PHLPP2: variants seen among roughly 807,000 people sequenced by gnomAD.
PHLPP2 encodes the protein PH domain and leucine rich repeat protein phosphatase 2, also known as PH domain leucine-rich repeat-containing protein phosphatase 2.
PHLPP2 carries 66 observed loss-of-function variants against 124.9 expected under a neutral mutation model. The ratio of observed to expected loss-of-function variants is 0.53; its 90% confidence interval spans 0.43 to 0.65. The LOEUF (loss-of-function observed/expected upper bound fraction) is 0.65. Among genes scored for constraint, PHLPP2 ranks in the 30% least tolerant of loss-of-function variants. The pLI is 0.00. For synonymous variants in PHLPP2, 681 were observed against 624.7 expected (o/e 1.09, Z -1.34); for missense variants, 1,685 against 1,600.4 (o/e 1.05, Z -0.90).
intron 4 of PHLPP2, among the ~76,000 whole-genome samples, chr16:71,689,358 C>T (rs2045085197): frequency 1.4e-5 from 2 of 147,160 alleles, no homozygotes; most frequent in African/African-American, 2.5e-5. Flanking sequence ...GCAGTTGACA[C>T]TTCAGGCGCC....
intron 1 of PHLPP2, chr16:71,723,677 G>A: frequency 1.8e-6 from 1 of 541,344 alleles, no homozygotes; most frequent in Non-Finnish European, 2.8e-6. Context: ...GCGGGGCGGG[G>A]GCGGCAGCGG....
intron 2 of PHLPP2, among the ~76,000 whole-genome samples, chr16:71,704,915 T>C (rs1217116477): frequency 6.6e-6 from 1 of 152,098 alleles, no homozygotes; most frequent in Non-Finnish European, 1.5e-5. Flanking sequence ...GATGGAGGAT[T>C]AACTTCAAGA....
intron 10 of PHLPP2, among the ~76,000 whole-genome samples, chr16:71,671,108 T>C (rs2145327458): frequency 6.6e-6 from 1 of 152,282 alleles, no homozygotes; most frequent in African/African-American, 2.4e-5. Context: ...GTGATTTTCT[T>C]CGGCAATGAT....
chr16:71,714,307 CAAAG>C (rs1006553391), intron 2 of PHLPP2, among the ~76,000 whole-genome samples: 8 of 152,128 alleles, frequency 5.3e-5, no homozygotes, highest in African/African-American at 1.9e-4. Flanking sequence ...TATTCCAAAT[CAAAG>C]AACTCTCAAA....
intron 18 of PHLPP2, among the ~76,000 whole-genome samples, chr16:71,652,342 G>C (rs1567611341): frequency 6.6e-6 from 1 of 152,194 alleles, no homozygotes; most frequent in Non-Finnish European, 1.5e-5. Flanking sequence ...TAAAACAGTA[G>C]AAATACTGAT....
intron 13 of PHLPP2, 136 bp downstream of exon 13, chr16:71,663,763 C>T: frequency 1.4e-6 from 1 of 696,618 alleles, no homozygotes; most frequent in Non-Finnish European, 2.5e-6. Context: ...GATTTTGCCA[C>T]TCAACTAGTG....
chr16:71,715,282 C>T (rs1030349062), intron 1 of PHLPP2: 3 of 157,362 alleles, frequency 1.9e-5, no homozygotes, highest in African/African-American at 7.2e-5. Context: ...AGTTGGAGAA[C>T]AGATTGAACC....
At chr16:71,655,669 A>AT (rs2044736181) in intron 16 of PHLPP2, among the ~76,000 whole-genome samples, 1 of 151,536 alleles carries the variant, frequency 6.6e-6, no homozygotes, top group Admixed American at 6.6e-5. Context: ...CGCTGGGCTA[A>AT]TTTTTTTGTA....
Position 71,724,677 on chromosome 16 carries a change from C to T in PHLPP2, c.-355G>A, listed in dbSNP as rs928110251. The T allele has an allele frequency of 1.3e-5, 2 of 152,202 alleles. No individual in the cohort carries two copies. The highest frequency in any genetic ancestry group is 4.8e-5 in the African/African-American group (2 of 41,434). The allele number at this position is 152,202 out of a possible 1,614,324, so 9.4% of individuals were successfully genotyped here. A position where few individuals can be genotyped will look rare whatever the true frequency, so the allele number is the denominator to read the frequency against. On this transcript the variant is annotated 5_prime_UTR_variant, in exon 1 of 19. Transcript: ENST00000568954. ...CCTGTTTCCAGATCTCCCCTCTGCC[C>T]TTCTTTAGATCTATACCCCTGTGCA... is the stretch of plus-strand genomic sequence containing the variant.
At position 71,658,203 on chromosome 16, in the gene PHLPP2, A is replaced by G. The variant is rs956718203; in HGVS notation, c.2279+30T>C. 6 of 1,604,710 alleles carry G rather than the reference A, an allele frequency of 3.7e-6. No individual in the cohort carries two copies. The African/African-American group carries it at 5.4e-5, about 14-fold the overall frequency. On this transcript the variant is annotated intron_variant, in intron 15 of 18. Coordinates refer to ENST00000568954, the MANE Select transcript of PHLPP2 (RefSeq NM_015020.3). Reference sequence around the variant, plus strand: ...CACATGGCTGGTGGGCTAAGAGCACATAGAGATTCCATTTCAAATTTTTTC... The same window carrying G: ...CACATGGCTGGTGGGCTAAGAGCACGTAGAGATTCCATTTCAAATTTTTTC...
intron 1 of PHLPP2, chr16:71,723,855 C>T: frequency 8.3e-7 from 1 of 1,204,694 alleles, no homozygotes; most frequent in African/African-American, 1.6e-5. Context: ...GGCCCCGGCT[C>T]CACCTCCCCC....
intron 2 of PHLPP2, among the ~76,000 whole-genome samples, chr16:71,710,310 A>G (rs975010174): frequency 6.6e-6 from 1 of 152,212 alleles, no homozygotes; most frequent in Non-Finnish European, 1.5e-5. Context: ...TGATCTCTCT[A>G]AGGTTTCCTC....
At chr16:71,652,747 C>A (rs1341828949) in intron 18 of PHLPP2, 43 bp downstream of exon 18, 1 of 1,442,860 alleles carries the variant, frequency 6.9e-7, no homozygotes, top group Non-Finnish European at 9.8e-7. Flanking sequence ...GCAGCCTCCA[C>A]TGATTTGGGG....
rs116921013 is a variant in PHLPP2, at chr16:71,704,049, G to A, written c.285-1318C>T. On this transcript the variant is annotated intron_variant, in intron 2 of 18. Coordinates refer to ENST00000568954, the MANE Select transcript of PHLPP2 (RefSeq NM_015020.3). ...TCAGAAAACTTAAGAATAGCCGGGC[G>A]CAGTGGCTCACGCCTGTAATCCCAG... Among the ~76,000 whole-genome samples, 83 of 152,232 alleles carry A rather than the reference G, an allele frequency of 5.5e-4. 1 individual carries two copies. The East Asian group carries it at 0.014, about 25-fold the overall frequency.
chr16:71,676,391 G>C, intron 9 of PHLPP2, 56 bp downstream of exon 9: 1 of 1,419,944 alleles, frequency 7.0e-7, no homozygotes, highest in Non-Finnish European at 9.9e-7. Context: ...ACTGTTCTCA[G>C]AAAGCACTGA....
Position 71,648,836 on chromosome 16 carries a change from A to G in PHLPP2, c.*54T>C. ...ATGTAGAGGCAGAATGCCTCTAGCA[A>G]GTCCCTACCCCAACCCTGCACAGCC... On this transcript the variant is annotated 3_prime_UTR_variant, in exon 19 of 19. Transcript: ENST00000568954. 1 of 1,316,088 alleles carries G rather than the reference A, an allele frequency of 7.6e-7. No homozygotes were observed. The highest frequency in any genetic ancestry group is 1.1e-6 in the Non-Finnish European group (1 of 934,512). The allele number at this position is 1,316,088 out of a possible 1,614,324, so 81.5% of individuals were successfully genotyped here. A position where few individuals can be genotyped will look rare whatever the true frequency, so the allele number is the denominator to read the frequency against.
chr16:71,671,512 G>C lies in PHLPP2; in HGVS notation c.1532+750C>G, dbSNP rs571981095. 2.0e-5 allele frequency among the ~76,000 whole-genome samples: 3 copies of C among 151,824 alleles called. No individual in the cohort carries two copies. The East Asian group carries it at 5.8e-4, about 29-fold the overall frequency. On this transcript the variant is annotated intron_variant, in intron 10 of 18. Coordinates refer to ENST00000568954, the MANE Select transcript of PHLPP2 (RefSeq NM_015020.3). ...CGCTGAACCCAGAATGCCCAACAGT[G>C]GTTATAAATGAATAAAAAGTAATAA...
chr16:71,655,913 C>T (rs1368549939), intron 16 of PHLPP2, among the ~76,000 whole-genome samples: 2 of 152,126 alleles, frequency 1.3e-5, no homozygotes, highest in Admixed American at 1.3e-4. Context: ...GAGCTAATGT[C>T]CTAAGGAAAG....
intron 10 of PHLPP2, among the ~76,000 whole-genome samples, chr16:71,671,233 T>C (rs1055442450): frequency 9.2e-5 from 14 of 152,162 alleles, no homozygotes; most frequent in African/African-American, 3.1e-4. Context: ...ATGATAATGA[T>C]AAAGTAACGA....
Sources: allele counts gnomAD v4.1 joint callset (sites outside exome capture counted in the v4.1 genomes callset), GRCh38; gene constraint gnomAD v4.1.1; transcripts MANE v1.5; gene names NCBI Gene and HGNC (gene_info 2026-07-23, HGNC 2026-07-21).